Variants in LRP1B observed in about 807,000 individuals in gnomAD.
The protein encoded by LRP1B is LDL receptor related protein 1B, also known as low-density lipoprotein receptor-related protein 1B.
Under a neutral mutation model 556.6 loss-of-function variants are expected in LRP1B, and 217 were observed. The ratio of observed to expected loss-of-function variants is 0.39; its 90% CI spans 0.35 to 0.44. The LOEUF (loss-of-function observed/expected upper bound fraction) is 0.44. Among genes scored for constraint, LRP1B ranks in the 20% least tolerant of loss-of-function variants. The pLI, the probability that LRP1B is intolerant of heterozygous loss-of-function variation, is 1.00. For missense variants in LRP1B, 5,053 were observed against 5,620.8 expected, an observed-to-expected ratio of 0.90 and a Z score of 3.23; for synonymous variants, 2,047 against 1,865.8, an observed-to-expected ratio of 1.10 and a Z score of -2.50.
intron 3 of LRP1B, among the ~76,000 whole-genome samples, chr2:141,465,589 G>A (rs1010365081): frequency 3.5e-4 from 49 of 141,194 alleles, no homozygotes; most frequent in African/African-American, 9.9e-4. Flanking sequence ...TGGCTCTATC[G>A]CCCAGGCTGG....
chr2:141,388,562 G>A (rs11886372), intron 3 of LRP1B, among the ~76,000 whole-genome samples: 2,088 of 152,166 alleles, frequency 0.014, 42 homozygotes, highest in African/African-American at 0.047. Flanking sequence ...CTAACTCAAT[G>A]GTGGAAGTTT....
intron 1 of LRP1B, among the ~76,000 whole-genome samples, chr2:142,049,117 A>G (rs1441646441): frequency 6.6e-6 from 1 of 152,068 alleles, no homozygotes; most frequent in Non-Finnish European, 1.5e-5. Context: ...AAGAAAGTTG[A>G]TTACTAAAAA....
intron 66 of LRP1B, among the ~76,000 whole-genome samples, chr2:140,414,208 A>G (rs1393719656): frequency 1.3e-5 from 2 of 152,052 alleles, no homozygotes; most frequent in Non-Finnish European, 2.9e-5. Context: ...GCACCACCAC[A>G]CAGGGCCCAT....
intron 3 of LRP1B, among the ~76,000 whole-genome samples, chr2:141,385,419 A>G (rs1031290548): frequency 5.9e-5 from 9 of 152,196 alleles, no homozygotes; most frequent in African/African-American, 2.2e-4. Context: ...GGTCCCAATC[A>G]TTTTGGATAA....
At chr2:140,251,999 A>G (rs1423098310) in intron 86 of LRP1B, among the ~76,000 whole-genome samples, 1 of 136,434 alleles carries the variant, frequency 7.3e-6, no homozygotes, top group Non-Finnish European at 1.5e-5. Context: ...AAAGGTCTAC[A>G]CTCCATGTAT....
intron 66 of LRP1B, among the ~76,000 whole-genome samples, chr2:140,389,131 T>TAGTATTTA (rs5834742): frequency 0.19 from 28,121 of 151,952 alleles, 3,106 homozygotes; most frequent in African/African-American, 0.32. Flanking sequence ...AAAACAAATA[T>TAGTATTTA]GGAACTTGCT....
chr2:142,010,081 C>T (rs924311807), intron 1 of LRP1B, among the ~76,000 whole-genome samples: 13 of 152,094 alleles, frequency 8.5e-5, no homozygotes, highest in Admixed American at 6.5e-4. Context: ...CAACTGGGAG[C>T]AATTTTGCCT....
At chr2:141,524,145 T>C (rs1466667567) in intron 2 of LRP1B, among the ~76,000 whole-genome samples, 1 of 152,040 alleles carries the variant, frequency 6.6e-6, no homozygotes, top group Non-Finnish European at 1.5e-5. Flanking sequence ...TGTACCTGAA[T>C]CAAGTATAAT....
intron 43 of LRP1B, among the ~76,000 whole-genome samples, chr2:140,554,152 G>C (rs1281498241): frequency 6.6e-6 from 1 of 152,000 alleles, no homozygotes; most frequent in Non-Finnish European, 1.5e-5. Flanking sequence ...AAATAAGATA[G>C]TGAAAAATCA....
intron 41 of LRP1B, among the ~76,000 whole-genome samples, chr2:140,614,500 G>A (rs567576969): frequency 2.0e-5 from 3 of 152,080 alleles, no homozygotes; most frequent in Admixed American, 1.3e-4. Flanking sequence ...AATATTCAGG[G>A]AAAAATAGAT....
chr2:141,442,730 TC>T (rs1310682937), intron 3 of LRP1B, among the ~76,000 whole-genome samples: 1 of 152,184 alleles, frequency 6.6e-6, no homozygotes, highest in Admixed American at 6.5e-5. Context: ...GTTTCCAGCT[TC>T]GTCCATGTCC....
At chr2:141,377,083 CAT>C (rs1331113389) in intron 3 of LRP1B, among the ~76,000 whole-genome samples, 1 of 152,142 alleles carries the variant, frequency 6.6e-6, no homozygotes, top group African/African-American at 2.4e-5. Context: ...TCTTTCAACA[CAT>C]GTCTATAAAT....
At chr2:141,289,685 A>T (rs1442783919) in intron 3 of LRP1B, among the ~76,000 whole-genome samples, 1 of 152,184 alleles carries the variant, frequency 6.6e-6, no homozygotes, top group Admixed American at 6.5e-5. Flanking sequence ...GTGCATTTGT[A>T]TATTTCTTTA....
chr2:140,279,429 A>C (rs1161759695), intron 84 of LRP1B, among the ~76,000 whole-genome samples: 1 of 151,972 alleles, frequency 6.6e-6, no homozygotes, highest in African/African-American at 2.4e-5. Flanking sequence ...AATGTTAATA[A>C]ATCATAAGAA....
At chr2:141,124,490 G>A (rs1882632) in intron 7 of LRP1B, among the ~76,000 whole-genome samples, 57,958 of 151,716 alleles carry the variant, frequency 0.38, 11,925 homozygotes, top group Middle Eastern at 0.5. Context: ...TTTTTCTACT[G>A]TTTTATGGTT....
At chr2:140,412,183 T>A (rs1193938616) in intron 66 of LRP1B, among the ~76,000 whole-genome samples, 1 of 152,130 alleles carries the variant, frequency 6.6e-6, no homozygotes, top group Admixed American at 6.5e-5. Flanking sequence ...GAATGACTGT[T>A]ACTGGAAACT....
chr2:140,649,683 C>T (rs1202253286), intron 41 of LRP1B, among the ~76,000 whole-genome samples: 1 of 152,182 alleles, frequency 6.6e-6, no homozygotes, highest in African/African-American at 2.4e-5. Flanking sequence ...GGATGCTTGC[C>T]TGTAGTATCA....
At chr2:142,097,775 T>G (rs1408035709) in intron 1 of LRP1B, among the ~76,000 whole-genome samples, 2 of 151,734 alleles carry the variant, frequency 1.3e-5, no homozygotes, top group Non-Finnish European at 3.0e-5. Flanking sequence ...TCTAGCTCGA[T>G]ATAAAGAGTC....
chr2:141,569,482 G>A (rs887553973), intron 2 of LRP1B, among the ~76,000 whole-genome samples: 12 of 151,214 alleles, frequency 7.9e-5, no homozygotes, highest in African/African-American at 2.7e-4. Flanking sequence ...ATCTGGGTCT[G>A]GAGAGGGAGG....
Sources: allele counts gnomAD v4.1 joint callset (sites outside exome capture counted in the v4.1 genomes callset), GRCh38; gene constraint gnomAD v4.1.1; transcripts MANE v1.5; gene names NCBI Gene and HGNC (gene_info 2026-07-23, HGNC 2026-07-21).